Variants in PPEF2 observed in about 807,000 individuals in gnomAD.
PPEF2 encodes protein phosphatase with EF-hand domain 2, also known as serine/threonine-protein phosphatase with EF-hands 2.
Under a neutral mutation model 84.7 loss-of-function variants are expected in PPEF2, and 84 were observed. That is an observed-to-expected ratio of 0.99 (90% confidence interval 0.83 to 1.19). The LOEUF (loss-of-function observed/expected upper bound fraction) is 1.19. Among genes scored for constraint, PPEF2 ranks in the 50% most tolerant of loss-of-function variants. The pLI, the probability that PPEF2 is intolerant of heterozygous loss-of-function variation, is 0.00. For synonymous variants in PPEF2, 346 were observed against 345.2 expected (o/e 1.00, Z -0.03); for missense variants, 924 against 937.5 (o/e 0.99, Z 0.19).
chr4:75,880,262 TTAAC>T (rs937166959), intron 10 of PPEF2, among the ~76,000 whole-genome samples: 2 of 152,180 alleles, frequency 1.3e-5, no homozygotes, highest in Non-Finnish European at 2.9e-5. Context: ...AATTAGTTGA[TTAAC>T]CACCATACCA....
chr4:75,872,265 T>G (rs1461068546), intron 12 of PPEF2, 98 bp from the exon 13 acceptor site: 1 of 1,179,632 alleles, frequency 8.5e-7, no homozygotes, highest in African/African-American at 1.5e-5. Context: ...AGCTGCTGTT[T>G]CTCCTAGTGC....
intron 2 of PPEF2, among the ~76,000 whole-genome samples, chr4:75,893,711 C>T (rs1253868536): frequency 6.6e-6 from 1 of 152,204 alleles, no homozygotes; most frequent in Non-Finnish European, 1.5e-5. Context: ...TTAAGGACCA[C>T]TGAAGAAGAT....
chr4:75,864,392 A>G (rs760151999), intron 16 of PPEF2, 48 bp downstream of exon 16: 13 of 1,397,326 alleles, frequency 9.3e-6, no homozygotes, highest in African/African-American at 1.4e-5. Flanking sequence ...GGTTTAAGGT[A>G]AAATACTTGC....
At chr4:75,896,162 G>T in intron 2 of PPEF2, 109 bp downstream of exon 2, 1 of 1,218,530 alleles carries the variant, frequency 8.2e-7, no homozygotes, top group Non-Finnish European at 1.2e-6. Flanking sequence ...GCTGGCCTGA[G>T]GAGAAATTTA....
intron 7 of PPEF2, chr4:75,884,962 A>G (rs1000052006): frequency 2.0e-6 from 1 of 491,148 alleles, no homozygotes; most frequent in Admixed American, 3.9e-5. Flanking sequence ...GGCTAAGGTT[A>G]GGAGATGCTC....
At chr4:75,880,017 C>T (rs1428597091) in intron 10 of PPEF2, among the ~76,000 whole-genome samples, 2 of 151,872 alleles carry the variant, frequency 1.3e-5, no homozygotes, top group East Asian at 3.9e-4. Context: ...TTAGTAGAGA[C>T]GGGGGTTTCA....
chr4:75,880,655 G>T (rs1209176780), intron 10 of PPEF2, among the ~76,000 whole-genome samples: 2 of 152,156 alleles, frequency 1.3e-5, no homozygotes, highest in Middle Eastern at 3.2e-3. Context: ...TTGAAAGTTT[G>T]TGAGAAAATC....
At chr4:75,867,525 A>G in intron 13 of PPEF2, 106 bp from the exon 14 acceptor site, 1 of 833,894 alleles carries the variant, frequency 1.2e-6, no homozygotes. Context: ...TCAGTCTCCC[A>G]AGAGCTCAGT....
In PPEF2 at chr4:75,872,080, G is replaced by A; in HGVS notation, c.1594C>T (p.His532Tyr). The change falls in exon 13 of 17, where the codon CAT (histidine) becomes TAT (tyrosine). Residue 532 changes from histidine (H) to tyrosine (Y), a missense_variant. By Grantham distance (83) the His-to-Tyr change is moderately conservative. Transcript: ENST00000286719. ...YVKLGPALTP[H>Y]IVQYQANKVT... is the part of the protein sequence containing the mutation. ...TTGTTAGCTTGATACTGCACAATAT[G>A]TGGGGTCAGGGCTGGCCCCAGTTTG... 6.2e-7 allele frequency: 1 copy of A among 1,613,436 alleles called. No homozygotes were observed. Among genetic ancestry groups the A allele is most frequent in the Non-Finnish European group, 8.5e-7 (1 of 1,179,424 alleles).
chr4:75,864,625 A>G (rs950322043), intron 15 of PPEF2, 98 bp from the exon 16 acceptor site: 37 of 929,284 alleles, frequency 4.0e-5, no homozygotes, highest in Non-Finnish European at 1.4e-5. Context: ...CACATTCTTG[A>G]AAAAACCTGA....
chr4:75,891,528 C>T (rs1724881572), intron 4 of PPEF2, 120 bp downstream of exon 4: 2 of 1,164,548 alleles, frequency 1.7e-6, no homozygotes, highest in Non-Finnish European at 2.4e-6. Flanking sequence ...CTCCTCAGCC[C>T]CTTGCTTATT....
intron 13 of PPEF2, among the ~76,000 whole-genome samples, chr4:75,870,144 C>T (rs775301763): frequency 6.6e-6 from 1 of 152,080 alleles, no homozygotes; most frequent in African/African-American, 2.4e-5. Context: ...TACTACATTA[C>T]TATTACTACT....
chr4:75,862,065 T>C (rs1577998787), intron 16 of PPEF2, among the ~76,000 whole-genome samples: 1 of 150,782 alleles, frequency 6.6e-6, no homozygotes, highest in Non-Finnish European at 1.5e-5. Flanking sequence ...GAGGCAGAGG[T>C]GGGCAGATCA....
In PPEF2 at chr4:75,872,181, GA is replaced by G. The variant is rs1252954734; in HGVS notation, c.1507-15del. On this transcript the variant is annotated splice_polypyrimidine_tract_variant and intron_variant, in intron 12 of 16. Coordinates refer to ENST00000286719, the MANE Select transcript of PPEF2 (RefSeq NM_006239.3). ...GATTGTTAATACCTACATCAAAACA[GA>G]AGAGAGACAGGTGTTCACATTCACT... The G allele has an allele frequency of 3.7e-6, 6 of 1,610,654 alleles. No homozygotes were observed. The highest frequency in any genetic ancestry group is 1.7e-4 in the Middle Eastern group (1 of 6,028).
At chr4:75,882,561 G>A (rs1436021116) in intron 10 of PPEF2, among the ~76,000 whole-genome samples, 1 of 147,352 alleles carries the variant, frequency 6.8e-6, no homozygotes, top group Non-Finnish European at 1.5e-5. Flanking sequence ...TTTAGAAACA[G>A]GTTCTCACTG....
chr4:75,897,482 C>T (rs1345344061), intron 1 of PPEF2, among the ~76,000 whole-genome samples: 1 of 152,118 alleles, frequency 6.6e-6, no homozygotes, highest in Non-Finnish European at 1.5e-5. Flanking sequence ...GTGTCTCAGA[C>T]TCCAAACAGA....
intron 13 of PPEF2, among the ~76,000 whole-genome samples, chr4:75,869,683 C>CA (rs1724219339): frequency 6.6e-6 from 1 of 151,934 alleles, no homozygotes; most frequent in South Asian, 2.1e-4. Flanking sequence ...TTCGTCTCTA[C>CA]AAAAAATTTA....
At chr4:75,862,136 T>A (rs1485735881) in intron 16 of PPEF2, among the ~76,000 whole-genome samples, 10 of 150,860 alleles carry the variant, frequency 6.6e-5, no homozygotes, top group African/African-American at 1.9e-4. Context: ...CTACTAAAAA[T>A]ACAAAAATTA....
chr4:75,873,342 C>A (rs779317725), intron 11 of PPEF2, 30 bp from the exon 12 acceptor site: 5 of 1,555,620 alleles, frequency 3.2e-6, no homozygotes, highest in Non-Finnish European at 3.5e-6. Flanking sequence ...ATTTCCTTCC[C>A]AAAAACTAGA....
Sources: allele counts gnomAD v4.1 joint callset (sites outside exome capture counted in the v4.1 genomes callset), GRCh38; gene constraint gnomAD v4.1.1; transcripts MANE v1.5; gene names NCBI Gene and HGNC (gene_info 2026-07-23, HGNC 2026-07-21).